Variants in ATAD2 observed in about 807,000 individuals in gnomAD.
The protein encoded by ATAD2 is ATPase family AAA domain-containing protein 2.
ATAD2 carries 62 observed loss-of-function variants against 168.9 expected under a neutral mutation model. The observed-to-expected ratio is 0.37, with a 90% CI of 0.30 to 0.45. ATAD2 has a LOEUF of 0.45. Ranked by LOEUF, ATAD2 falls within the 20% of genes least tolerant of loss-of-function variation. The pLI is 1.00. For missense variants in ATAD2, 1,419 were observed against 1,667.8 expected (o/e 0.85, Z 2.60); for synonymous variants, 613 against 571.6 (o/e 1.07, Z -1.03).
At chr8:123,407,966 A>G (rs1813090305) in intron 1 of ATAD2, among the ~76,000 whole-genome samples, 1 of 152,214 alleles carries the variant, frequency 6.6e-6, no homozygotes, top group African/African-American at 2.4e-5. Flanking sequence ...AGAGCTAATC[A>G]TGATTCCACT....
At chr8:123,365,443 A>G (rs909535505) in intron 8 of ATAD2, among the ~76,000 whole-genome samples, 1 of 152,190 alleles carries the variant, frequency 6.6e-6, no homozygotes, top group African/African-American at 2.4e-5. Context: ...TAAAATTCAT[A>G]TGGAACCAAA....
intron 4 of ATAD2, 144 bp from the exon 5 acceptor site, chr8:123,371,482 A>G: frequency 4.7e-6 from 4 of 854,624 alleles, no homozygotes; most frequent in South Asian, 4.4e-5. Context: ...GTATAAAAAT[A>G]TTTTAAAATT....
chr8:123,381,587 A>G (rs1031104385), intron 1 of ATAD2, among the ~76,000 whole-genome samples: 3 of 152,244 alleles, frequency 2.0e-5, no homozygotes, highest in African/African-American at 7.2e-5. Context: ...ACTTCATTTT[A>G]GTACAATAAA....
intron 1 of ATAD2, among the ~76,000 whole-genome samples, chr8:123,389,229 G>A (rs2129927122): frequency 6.8e-6 from 1 of 147,488 alleles, no homozygotes; most frequent in South Asian, 2.2e-4. Context: ...GCCCGCCTTG[G>A]CCTCCCAAAG....
At position 123,339,315 on chromosome 8, in the gene ATAD2, T is replaced by C; in HGVS notation, c.2850A>G (p.Lys950=). The C allele has an allele frequency of 6.4e-7, 1 of 1,553,806 alleles. No homozygotes were observed. Among genetic ancestry groups the C allele is most frequent in the Non-Finnish European group, 8.7e-7 (1 of 1,149,690 alleles). Residue 950 remains lysine, a synonymous_variant, in exon 20 of 28, where the codon AAA becomes AAG. Coordinates refer to ENST00000287394, the MANE Select transcript of ATAD2 (RefSeq NM_014109.4). Reference sequence around the variant, plus strand: ...AACTTTGATATAGAAACTAACCTGCTTTCTTTTTTGATATAGGAGGCTTAG... The same window carrying C: ...AACTTTGATATAGAAACTAACCTGCCTTCTTTTTTGATATAGGAGGCTTAG... ...QAAKPPISKK[K]AVLQALEVLP...
chr8:123,372,684 T>C lies in ATAD2; in HGVS notation c.323A>G (p.Gln108Arg). ...QLANGRHFTR[Q>R]LARQQADKKK... ...TTTATCAGCCTGCTGTCTGGCCAAC[T>C]GCCTATATTTTAAAAAATTAGATTA... Residue 108 changes from glutamine (Q) to arginine (R), a missense_variant and splice_region_variant, in exon 3 of 28, where the codon CAG becomes CGG. Physicochemically the swap from Gln to Arg is conservative, Grantham distance 43. Transcript: ENST00000287394. 6.3e-7 allele frequency: 1 copy of C among 1,580,282 alleles called. No homozygotes were observed.
In ATAD2 at chr8:123,370,894, G is replaced by T. The variant is rs190191704; in HGVS notation, c.727+9C>A. ...AATCCCAGAAGACAGAACAAGAGAA[G>T]AGACTAACCCACACTGCCTTCTTGA... On this transcript the variant is annotated intron_variant, in intron 6 of 27. Transcript: ENST00000287394. The T allele has an allele frequency of 2.3e-5, 36 of 1,572,628 alleles. 1 individual carries two copies. The East Asian group carries it at 7.3e-4, about 32-fold the overall frequency.
At chr8:123,331,871 T>C (rs1186929685) in intron 24 of ATAD2, among the ~76,000 whole-genome samples, 1 of 152,206 alleles carries the variant, frequency 6.6e-6, no homozygotes. Flanking sequence ...CAGATACTCA[T>C]GAAACTTGAG....
At chr8:123,348,665 A>G (rs535511659) in intron 14 of ATAD2, among the ~76,000 whole-genome samples, 1 of 152,222 alleles carries the variant, frequency 6.6e-6, no homozygotes, top group Non-Finnish European at 1.5e-5. Flanking sequence ...TGACAGAGCA[A>G]GACTTTATCA....
chr8:123,383,466 GT>G (rs1486634922), intron 1 of ATAD2, among the ~76,000 whole-genome samples: 4 of 152,202 alleles, frequency 2.6e-5, no homozygotes, highest in Admixed American at 6.5e-5. Flanking sequence ...AAACACTGGT[GT>G]AGGTGTTAAG....
chr8:123,348,609 G>A (rs113587862), intron 14 of ATAD2, among the ~76,000 whole-genome samples: 3,516 of 152,202 alleles, frequency 0.023, 67 homozygotes, highest in African/African-American at 0.04. Context: ...TCCCGGGGAC[G>A]GAAGTTGCAG....
chr8:123,366,139 T>C (rs1335294941), intron 8 of ATAD2, among the ~76,000 whole-genome samples: 2 of 152,084 alleles, frequency 1.3e-5, no homozygotes, highest in Non-Finnish European at 2.9e-5. Flanking sequence ...AAAGAAGATA[T>C]ACAAATAGCC....
At chr8:123,395,668 C>T (rs1812788088) in intron 1 of ATAD2, among the ~76,000 whole-genome samples, 1 of 152,162 alleles carries the variant, frequency 6.6e-6, no homozygotes, top group Non-Finnish European at 1.5e-5. Flanking sequence ...ATTATGCAAC[C>T]TGGTATTATT....
chr8:123,359,487 A>C (rs1317240533), intron 10 of ATAD2, 90 bp downstream of exon 10: 1 of 1,359,428 alleles, frequency 7.4e-7, no homozygotes, highest in Non-Finnish European at 1.0e-6. Context: ...TTTTGACTAA[A>C]AAGAAAAATC....
At chr8:123,400,793 T>C, upstream of ATAD2, 2 of 909,778 alleles carry the variant, frequency 2.2e-6, no homozygotes, top group Non-Finnish European at 3.7e-6. The surrounding 1 kb of genome is among the most constrained non-coding windows in gnomAD (Gnocchi z 4.5). Context: ...ATGGACACTG[T>C]GACAGAGGGC....
rs753210218 is a variant in ATAD2 at position 123,380,548 on chromosome 8, T to C, written c.301A>G (p.Asn101Asp). 36 of 1,613,960 alleles carry C rather than the reference T, an allele frequency of 2.2e-5. No individual in the cohort carries two copies. Among genetic ancestry groups the C allele is most frequent in the Non-Finnish European group, 3.1e-5 (36 of 1,179,996 alleles). Residue 101 changes from asparagine (N) to aspartate (D), a missense_variant, in exon 2 of 28, where the codon AAT (asparagine) becomes GAT (aspartate). Coordinates refer to ENST00000287394, the MANE Select transcript of ATAD2 (RefSeq NM_014109.4). ...TATTACCTTGTAAAATGCCTGCCAT[T>C]AGCAAGTTGCTCCGTTATTTCCACA... The part of the protein sequence containing the change: ...KNVEITEQLA[N>D]GRHFTRQLAR...
chr8:123,385,717 C>A (rs1035376928), intron 1 of ATAD2, among the ~76,000 whole-genome samples: 1 of 151,698 alleles, frequency 6.6e-6, no homozygotes, highest in African/African-American at 2.4e-5. Context: ...AAAAGGCAAC[C>A]TACAGAATAC....
intron 9 of ATAD2, 89 bp downstream of exon 9, chr8:123,361,450 C>T: frequency 9.6e-7 from 1 of 1,039,792 alleles, no homozygotes; most frequent in Non-Finnish European, 1.5e-6. Context: ...AATCAGCCAG[C>T]CTATACTTAT....
chr8:123,342,668 CAA>C (rs1225750686), intron 19 of ATAD2: 2 of 152,148 alleles, frequency 1.3e-5, no homozygotes, highest in African/African-American at 4.8e-5. Flanking sequence ...CTCCCCCACT[CAA>C]AGAGTTTCTA....
Sources: gnomAD v4.1 joint callset for allele counts (sites outside exome capture counted in the v4.1 genomes callset) on GRCh38, gnomAD v4.1.1 for gene constraint, Gnocchi (gnomAD v3.1) non-coding constraint, MANE v1.5 for transcripts, NCBI Gene and HGNC (gene_info 2026-07-23, HGNC 2026-07-21) for gene names.